Variants in DPY19L1 observed in about 807,000 individuals in gnomAD.
The protein encoded by DPY19L1 is protein C-mannosyl-transferase DPY19L1.
DPY19L1 carries 35 observed loss-of-function variants against 96.9 expected under a neutral mutation model. That is an observed-to-expected ratio of 0.36 (90% CI 0.28 to 0.48). The LOEUF (loss-of-function observed/expected upper bound fraction) is 0.48. Among genes scored for constraint, DPY19L1 ranks in the 20% least tolerant of loss-of-function variants. DPY19L1 has a pLI of 0.99. For missense variants in DPY19L1, 521 were observed against 777.9 expected (o/e 0.67, Z 3.93); for synonymous variants, 205 against 252.6 (o/e 0.81, Z 1.79).
At chr7:34,980,491 A>G (rs1277674155) in intron 7 of DPY19L1, among the ~76,000 whole-genome samples, 1 of 152,182 alleles carries the variant, frequency 6.6e-6, no homozygotes, top group African/African-American at 2.4e-5. Flanking sequence ...ATAAAAATCA[A>G]AAAACGAAAA....
chr7:35,023,207 A>G (rs57315957), intron 1 of DPY19L1, among the ~76,000 whole-genome samples: 41,428 of 151,718 alleles, frequency 0.27, 5,782 homozygotes, highest in Non-Finnish European at 0.31. Flanking sequence ...ACCTGCTCTT[A>G]CCCCTTCCCC....
intron 16 of DPY19L1, among the ~76,000 whole-genome samples, chr7:34,945,445 T>G (rs182533142): frequency 2.6e-5 from 4 of 152,120 alleles, no homozygotes; most frequent in Non-Finnish European, 5.9e-5. Flanking sequence ...GCAGGGCTAC[T>G]GTCAGACTGT....
At chr7:34,940,398 T>C in intron 18 of DPY19L1, 71 bp from the exon 19 acceptor site, 1 of 1,365,804 alleles carries the variant, frequency 7.3e-7, no homozygotes, top group Non-Finnish European at 9.8e-7. Context: ...CAAAACTTCT[T>C]CCCAGAGAAG....
At chr7:34,998,615 G>A (rs1365784991) in intron 6 of DPY19L1, among the ~76,000 whole-genome samples, 1 of 152,224 alleles carries the variant, frequency 6.6e-6, no homozygotes, top group Admixed American at 6.5e-5. Context: ...GGCAGAAGCA[G>A]CTGAGGCTGG....
chr7:35,031,970 G>C (rs567559160), intron 1 of DPY19L1, among the ~76,000 whole-genome samples: 1 of 152,162 alleles, frequency 6.6e-6, no homozygotes, highest in African/African-American at 2.4e-5. Context: ...TTGGGTCTAT[G>C]TGTCTGTTTG....
At chr7:35,005,883 G>A (rs1273816040) in intron 6 of DPY19L1, among the ~76,000 whole-genome samples, 1 of 152,086 alleles carries the variant, frequency 6.6e-6, no homozygotes, top group Non-Finnish European at 1.5e-5. Flanking sequence ...TTCTGAGGCG[G>A]ATGGGAAGGA....
At chr7:35,009,810 A>G (rs1562825394) in intron 6 of DPY19L1, among the ~76,000 whole-genome samples, 1 of 152,192 alleles carries the variant, frequency 6.6e-6, no homozygotes, top group African/African-American at 2.4e-5. Flanking sequence ...AAGACTTCAC[A>G]CATCTCAGCA....
chr7:35,036,766 C>T (rs1433400312), intron 1 of DPY19L1, among the ~76,000 whole-genome samples: 2 of 152,022 alleles, frequency 1.3e-5, no homozygotes, highest in African/African-American at 4.8e-5. Flanking sequence ...GCCAGTCGTA[C>T]CAATCAGCAG....
intron 13 of DPY19L1, among the ~76,000 whole-genome samples, chr7:34,954,002 A>G (rs1784322060): frequency 6.6e-6 from 1 of 152,208 alleles, no homozygotes; most frequent in Admixed American, 6.5e-5. Flanking sequence ...TACAGAAAGA[A>G]GAAAATCACC....
At chr7:35,022,997 T>G (rs1346767939) in intron 1 of DPY19L1, among the ~76,000 whole-genome samples, 4 of 152,098 alleles carry the variant, frequency 2.6e-5, no homozygotes, top group Non-Finnish European at 1.5e-5. Flanking sequence ...GCCATTTCCT[T>G]CCTGCCCCAG....
At chr7:34,994,803 CA>C (rs560016715) in intron 6 of DPY19L1, among the ~76,000 whole-genome samples, 7,321 of 123,838 alleles carry the variant, frequency 0.059, 353 homozygotes, top group African/African-American at 0.15. Flanking sequence ...GATTCCGTCT[CA>C]AAAAAAAAAA....
At chr7:35,031,678 T>C (rs983804331) in intron 1 of DPY19L1, among the ~76,000 whole-genome samples, 3 of 152,198 alleles carry the variant, frequency 2.0e-5, no homozygotes, top group African/African-American at 7.2e-5. Context: ...CAAAAATCAA[T>C]CACAAATAGA....
chr7:34,973,345 A>G (rs555777658), intron 8 of DPY19L1, among the ~76,000 whole-genome samples, 169 bp downstream of exon 8: 40 of 152,334 alleles, frequency 2.6e-4, no homozygotes, highest in South Asian at 6.2e-4. Flanking sequence ...GAAGGCTGAT[A>G]GAAGAAATGT....
upstream of DPY19L1, chr7:35,037,696 C>T: frequency 7.2e-6 from 3 of 418,416 alleles, no homozygotes; most frequent in Non-Finnish European, 9.6e-6. Context: ...ACCCTGCGAG[C>T]GGCCGCGGCC....
Position 35,017,979 on chromosome 7 carries a change from CAA to C in DPY19L1, c.324-12_324-11del. On this transcript the variant is annotated splice_polypyrimidine_tract_variant and intron_variant, in intron 2 of 21. Coordinates refer to ENST00000638088, the MANE Select transcript of DPY19L1 (RefSeq NM_001366673.1). ...GTGTGTTATATGGCTCCTGGAAAAA[CAA>C]AACAAAGCAATAGTGTTAAAACTTA... 6.3e-7 allele frequency: 1 copy of C among 1,576,916 alleles called. No individual in the cohort carries two copies. The highest frequency in any genetic ancestry group is 8.6e-7 in the Non-Finnish European group (1 of 1,156,106).
intron 6 of DPY19L1, among the ~76,000 whole-genome samples, chr7:34,993,247 T>C (rs1785211483): frequency 6.6e-6 from 1 of 152,178 alleles, no homozygotes; most frequent in Non-Finnish European, 1.5e-5. Flanking sequence ...TCCTAAAATT[T>C]CTTCTAATAT....
chr7:34,967,001 A>C, intron 9 of DPY19L1, 30 bp from the exon 10 acceptor site: 2 of 1,467,910 alleles, frequency 1.4e-6, no homozygotes, highest in Non-Finnish European at 9.2e-7. Context: ...TAGAAGTAAA[A>C]AAGATAAAAT....
chr7:34,989,644 C>CAACA (rs1176805392), intron 7 of DPY19L1, among the ~76,000 whole-genome samples: 13 of 146,614 alleles, frequency 8.9e-5, no homozygotes, highest in Non-Finnish European at 1.7e-4. Context: ...ACAACAACAA[C>CAACA]AAAAAAAAAA....
At position 34,949,898 on chromosome 7, in the gene DPY19L1, C is replaced by A; in HGVS notation, c.1321G>T (p.Ala441Ser). The stretch of plus-strand genomic sequence containing the variant: ...GATGTTAGTAAGTTGCCAATATGAG[C>A]CTGGTAAGAAATAAAGTTACCATTA... Reference protein sequence around the residue: ...TSKIFGIADDAHIGNLLTSKF... With the variant: ...TSKIFGIADDSHIGNLLTSKF... The change falls in exon 14 of 22, where the codon GCT becomes TCT. Residue 441 changes from alanine (A) to serine (S), a missense_variant and splice_region_variant. By Grantham distance (99) the Ala-to-Ser change is moderately conservative. Coordinates refer to ENST00000638088, the MANE Select transcript of DPY19L1 (RefSeq NM_001366673.1). 1 of 1,517,220 alleles carries A rather than the reference C, an allele frequency of 6.6e-7. No homozygotes were observed. 94.0% of individuals were successfully genotyped at this position (1,517,220 alleles called of 1,614,324 possible). A position where few individuals can be genotyped will look rare whatever the true frequency, so the allele number is the denominator to read the frequency against.
Sources: gnomAD v4.1 joint callset for allele counts (sites outside exome capture counted in the v4.1 genomes callset) on GRCh38, gnomAD v4.1.1 for gene constraint, MANE v1.5 for transcripts, NCBI Gene and HGNC (gene_info 2026-07-23, HGNC 2026-07-21) for gene names.